Variants in TENM3 observed in about 807,000 individuals in gnomAD.
TENM3 encodes teneurin transmembrane protein 3.
TENM3 carries 63 observed loss-of-function variants against 255.1 expected under a neutral mutation model. That is an observed-to-expected ratio of 0.25 (90% confidence interval 0.20 to 0.30). The LOEUF (loss-of-function observed/expected upper bound fraction) is 0.30, where lower values mean the gene tolerates loss of function less well. TENM3 is among the 10% of genes least tolerant of loss of function. The pLI is 1.00. For synonymous variants in TENM3, 1,306 were observed against 1,322.3 expected (o/e 0.99, Z 0.27); for missense variants, 2,929 against 3,461.1 (o/e 0.85, Z 3.86).
chr4:181,838,592 G>C, the TENM3 span, among the ~76,000 whole-genome samples: 1 of 152,118 alleles, frequency 6.6e-6, no homozygotes. Context: ...TTTTTTAGAA[G>C]CTTGACAATA....
chr4:181,685,977 C>CAGAACA, the TENM3 span, among the ~76,000 whole-genome samples: 1 of 152,094 alleles, frequency 6.6e-6, no homozygotes, highest in South Asian at 2.1e-4. Context: ...ACATTTTAGC[C>CAGAACA]ATCGAAGGTG....
At chr4:182,788,513 A>G (rs1765858175) in intron 24 of TENM3, among the ~76,000 whole-genome samples, 1 of 152,210 alleles carries the variant, frequency 6.6e-6, no homozygotes, top group Non-Finnish European at 1.5e-5. Context: ...CTGCCAGTTA[A>G]CCAGATCTTC....
At chr4:182,285,926 T>C (rs1441570626) in intron 1 of TENM3, among the ~76,000 whole-genome samples, 1 of 152,208 alleles carries the variant, frequency 6.6e-6, no homozygotes, top group Non-Finnish European at 1.5e-5. Flanking sequence ...TCGATTAAAA[T>C]TGATGATGAA....
At chr4:182,478,706 T>G (rs1733912763) in intron 3 of TENM3, among the ~76,000 whole-genome samples, 2 of 152,058 alleles carry the variant, frequency 1.3e-5, no homozygotes, top group Non-Finnish European at 2.9e-5. Flanking sequence ...AAAGTTTATC[T>G]AGATGTCTGC....
the TENM3 span, among the ~76,000 whole-genome samples, chr4:181,662,319 A>C: frequency 6.6e-6 from 1 of 152,234 alleles, no homozygotes; most frequent in East Asian, 1.9e-4. Context: ...AAATGGGCTA[A>C]AATAAATGAG....
At chr4:181,919,666 C>A in the TENM3 span, among the ~76,000 whole-genome samples, 6 of 152,076 alleles carry the variant, frequency 3.9e-5, no homozygotes, top group African/African-American at 1.4e-4. Flanking sequence ...TGAAGTGACA[C>A]AATCGATCGG....
At chr4:182,096,111 C>T in the TENM3 span, among the ~76,000 whole-genome samples, 1 of 134,406 alleles carries the variant, frequency 7.4e-6, no homozygotes, top group Admixed American at 8.0e-5. Context: ...ACCTGGGTGA[C>T]AGAGTGAGAC....
intron 4 of TENM3, among the ~76,000 whole-genome samples, chr4:182,622,820 A>C (rs1331524949): frequency 6.6e-6 from 1 of 152,170 alleles, no homozygotes; most frequent in East Asian, 1.9e-4. Context: ...CATGCCAAGA[A>C]CTTTTTAAGC....
chr4:181,524,752 G>C, the TENM3 span, among the ~76,000 whole-genome samples: 1 of 152,052 alleles, frequency 6.6e-6, no homozygotes, highest in South Asian at 2.1e-4. Flanking sequence ...CTTGGAGGTT[G>C]GTTTACCAGG....
At chr4:181,910,057 G>A in the TENM3 span, among the ~76,000 whole-genome samples, 5 of 152,020 alleles carry the variant, frequency 3.3e-5, no homozygotes, top group Admixed American at 6.6e-5. Context: ...AAAATAAAAC[G>A]TATGCAAATG....
At chr4:181,915,151 A>G in the TENM3 span, among the ~76,000 whole-genome samples, 1 of 152,200 alleles carries the variant, frequency 6.6e-6, no homozygotes, top group Non-Finnish European at 1.5e-5. Flanking sequence ...AAAATGACTT[A>G]GAGTGCGTCT....
the TENM3 span, among the ~76,000 whole-genome samples, chr4:181,946,103 T>C: frequency 6.6e-6 from 1 of 152,192 alleles, no homozygotes. Context: ...TGAAGGAAAA[T>C]TAGGTTGTTT....
chr4:181,767,958 A>T, the TENM3 span, among the ~76,000 whole-genome samples: 127,652 of 151,754 alleles, frequency 0.84, 54,917 homozygotes, highest in Non-Finnish European at 0.94. Context: ...AACTGATTGC[A>T]AAATTTAAAT....
chr4:182,678,734 G>A (rs1384849971), intron 7 of TENM3, among the ~76,000 whole-genome samples: 1 of 151,992 alleles, frequency 6.6e-6, no homozygotes, highest in African/African-American at 2.4e-5. Flanking sequence ...TTCAACAGTA[G>A]TTGTTGCTAC....
At chr4:181,689,096 A>G in the TENM3 span, among the ~76,000 whole-genome samples, 1 of 152,350 alleles carries the variant, frequency 6.6e-6, no homozygotes, top group East Asian at 1.9e-4. Flanking sequence ...GAGTGAATCA[A>G]TGACTAAGGC....
chr4:182,490,726 T>TTGGGTACATGTGGTGCAAA (rs60482694), intron 3 of TENM3, among the ~76,000 whole-genome samples: 1 of 152,042 alleles, frequency 6.6e-6, no homozygotes, highest in Non-Finnish European at 1.5e-5. Context: ...GATGGTACCT[T>TTGGGTACATGTGGTGCAAA]ATGAAGGGAC....
intron 3 of TENM3, among the ~76,000 whole-genome samples, chr4:182,449,850 G>A (rs1360275246): frequency 6.6e-6 from 1 of 152,200 alleles, no homozygotes; most frequent in Non-Finnish European, 1.5e-5. Context: ...GAGATGGTTT[G>A]GAAAAACTTG....
the TENM3 span, among the ~76,000 whole-genome samples, chr4:181,902,187 CAAA>C: frequency 6.9e-6 from 1 of 144,062 alleles, no homozygotes; most frequent in Non-Finnish European, 1.5e-5. Context: ...TTAAAAGAGC[CAAA>C]AAAAAAAAAA....
chr4:182,239,266 T>C (rs945644552), upstream of TENM3, among the ~76,000 whole-genome samples: 9 of 152,038 alleles, frequency 5.9e-5, no homozygotes, highest in South Asian at 2.1e-4. Context: ...TTAGTAAAGA[T>C]GAGGTTTCAC....
Sources: allele counts gnomAD v4.1 joint callset (sites outside exome capture counted in the v4.1 genomes callset), GRCh38; gene constraint gnomAD v4.1.1; transcripts MANE v1.5; gene names NCBI Gene and HGNC (gene_info 2026-07-23, HGNC 2026-07-21).